CDC42BPB: variants seen among roughly 807,000 people sequenced by gnomAD.
CDC42BPB encodes CDC42 binding protein kinase beta.
In CDC42BPB, 37 loss-of-function variants were observed where a neutral mutation model predicts 214.9. That is an observed-to-expected ratio of 0.17 (90% CI 0.13 to 0.23). CDC42BPB has a LOEUF of 0.23. CDC42BPB is among the 10% of genes least tolerant of loss of function. The pLI is 1.00. For missense variants in CDC42BPB, 1,694 were observed against 2,227.0 expected, an observed-to-expected ratio of 0.76 and a Z score of 4.82; for synonymous variants, 931 against 884.0, an observed-to-expected ratio of 1.05 and a Z score of -0.94.
At chr14:102,947,647 C>A (rs1892244182) in intron 27 of CDC42BPB, 74 bp downstream of exon 27, 3 of 1,319,968 alleles carry the variant, frequency 2.3e-6, no homozygotes, top group South Asian at 1.2e-5. Context: ...ATGGCTGCCG[C>A]AGCACAATGA....
rs1010249471 is a variant in CDC42BPB, at chr14:102,943,682, A to G, written c.4408+209T>C. The G allele has an allele frequency of 1.6e-5, 9 of 561,608 alleles. No individual in the cohort carries two copies. The highest frequency in any genetic ancestry group is 2.8e-5 in the Non-Finnish European group (9 of 320,312). 34.8% of individuals were successfully genotyped at this position (561,608 alleles called of 1,614,324 possible). A position where few individuals can be genotyped will look rare whatever the true frequency, so the allele number is the denominator to read the frequency against. ...GAACCGGCCCCATGTGCTCAGGGAG[A>G]GAGGTTGCTGAGCCCGCCTACTGCT... On this transcript the variant is annotated intron_variant, in intron 30 of 36. Transcript: ENST00000361246. This position sits in a 1 kb window ranked among gnomAD's most constrained non-coding sequence, Gnocchi z 4.6.
In CDC42BPB at chr14:103,053,567, C is replaced by T. The variant is rs569866846; in HGVS notation, c.175+3432G>A. On this transcript the variant is annotated intron_variant, in intron 1 of 36. Transcript: ENST00000361246. ...ACGAGGTCTGGAGATCGAGACCATC[C>T]TGGCTAACACGGTGAAACCCCGTCT... is the stretch of plus-strand genomic sequence containing the variant. Among the ~76,000 whole-genome samples, 206 of 151,728 alleles carry T rather than the reference C, an allele frequency of 1.4e-3. 2 individuals carry two copies. Among genetic ancestry groups the T allele is most frequent in the African/African-American group, 4.6e-3 (190 of 41,418 alleles).
intron 30 of CDC42BPB, chr14:102,941,708 T>C (rs1397146454): frequency 6.9e-6 from 2 of 289,300 alleles, no homozygotes; most frequent in East Asian, 3.5e-4. Context: ...GAAAAGAACA[T>C]GGGCTCTGGA....
chr14:102,991,232 C>T (rs1894475501), intron 5 of CDC42BPB, among the ~76,000 whole-genome samples: 1 of 152,178 alleles, frequency 6.6e-6, no homozygotes, highest in African/African-American at 2.4e-5. Flanking sequence ...CTGAGAAGGA[C>T]ACAATATAGC....
At chr14:102,977,651 G>A (rs1045297623) in intron 9 of CDC42BPB, among the ~76,000 whole-genome samples, 5 of 152,188 alleles carry the variant, frequency 3.3e-5, no homozygotes, top group Admixed American at 6.5e-5. Flanking sequence ...AGCTGAGTGC[G>A]CATGGCAACT....
intron 36 of CDC42BPB, among the ~76,000 whole-genome samples, chr14:102,937,888 C>T (rs1891711455): frequency 6.6e-6 from 1 of 152,172 alleles, no homozygotes. Context: ...CCCTAGTCAG[C>T]GTTCCCAAAG....
chr14:103,041,527 C>A (rs1048145557), intron 1 of CDC42BPB: 1 of 1,386,688 alleles, frequency 7.2e-7, no homozygotes, highest in East Asian at 2.3e-5. Flanking sequence ...GCAGCTGGCT[C>A]GTGGCCACAT....
In CDC42BPB at chr14:103,023,131, G is replaced by A. The variant is rs191749903; in HGVS notation, c.176-10943C>T. Among the ~76,000 whole-genome samples, 245 of 149,748 alleles carry A rather than the reference G, an allele frequency of 1.6e-3. 2 individuals are homozygous for A. Among genetic ancestry groups the A allele is most frequent in the African/African-American group, 5.8e-3 (234 of 40,588 alleles). On this transcript the variant is annotated intron_variant, in intron 1 of 36. Coordinates refer to ENST00000361246, the MANE Select transcript of CDC42BPB (RefSeq NM_006035.4). ...CAAGTGATTCTCCCCTCAGTCTCCC[G>A]AGTAGCAGACTACAGGTGCGCATTA...
intron 1 of CDC42BPB, 90 bp from the exon 2 acceptor site, chr14:103,012,278 A>G: frequency 6.8e-7 from 1 of 1,477,978 alleles, no homozygotes; most frequent in East Asian, 2.4e-5. Context: ...ACTAAGTTAT[A>G]CTTTTAAAAA....
intron 1 of CDC42BPB, among the ~76,000 whole-genome samples, chr14:103,053,104 C>G (rs1356063315): frequency 6.6e-6 from 1 of 151,574 alleles, no homozygotes; most frequent in Non-Finnish European, 1.5e-5. Context: ...AATCCCAGCA[C>G]TTTGAGAGGC....
At chr14:103,031,456 A>G (rs1003982168) in intron 1 of CDC42BPB, among the ~76,000 whole-genome samples, 3 of 152,230 alleles carry the variant, frequency 2.0e-5, no homozygotes, top group Non-Finnish European at 4.4e-5. Flanking sequence ...GCAAAAGGAC[A>G]TCTAGCTTTG....
intron 1 of CDC42BPB, among the ~76,000 whole-genome samples, chr14:103,013,719 C>G (rs35864317): frequency 0.27 from 40,498 of 152,158 alleles, 5,897 homozygotes; most frequent in Non-Finnish European, 0.33. Context: ...CCAAGCATTG[C>G]CAGCACCCCC....
At chr14:102,947,652 C>T in intron 27 of CDC42BPB, 69 bp downstream of exon 27, 1 of 1,363,748 alleles carries the variant, frequency 7.3e-7, no homozygotes, top group Non-Finnish European at 1.0e-6. Context: ...TGCCGCAGCA[C>T]AATGACATGC....
intron 1 of CDC42BPB, among the ~76,000 whole-genome samples, chr14:103,038,454 T>C (rs1270709746): frequency 6.6e-6 from 1 of 151,938 alleles, no homozygotes; most frequent in African/African-American, 2.4e-5. Context: ...CAGTGGACAC[T>C]ACACAATAAC....
intron 5 of CDC42BPB, among the ~76,000 whole-genome samples, chr14:102,992,390 T>C (rs969493174): frequency 2.0e-5 from 3 of 152,308 alleles, no homozygotes; most frequent in Admixed American, 6.5e-5. Flanking sequence ...CCACCAGTTA[T>C]AAATGGCAGA....
rs773145635 is a variant in CDC42BPB, at chr14:102,974,139, C to A, written c.1518G>T (p.Arg506Ser). 6 of 1,613,296 alleles carry A rather than the reference C, an allele frequency of 3.7e-6. No homozygotes were observed. The African/African-American group carries it at 5.3e-5, about 14-fold the overall frequency. ...RLKNKIADSN[R>S]LERQLEDTVA... ...CTGTGTCCTCAAGCTGTCGCTCGAG[C>A]CTGTTTGAATCTGGACAAAAGAGGA... Residue 506 changes from arginine (R) to serine (S), a missense_variant, in exon 12 of 37, where the codon AGG becomes AGT. Around this residue, in one of 7 missense-constraint regions of CDC42BPB, gnomAD observed 462 missense variants for 513.5 expected, o/e 0.90. Transcript: ENST00000361246.
At chr14:102,957,562 T>G (rs1199890119) in intron 21 of CDC42BPB, among the ~76,000 whole-genome samples, 1 of 152,236 alleles carries the variant, frequency 6.6e-6, no homozygotes, top group Admixed American at 6.5e-5. Flanking sequence ...GGCGGGCACT[T>G]ACCGGTTAAA....
In CDC42BPB at chr14:103,040,095, C is replaced by T. The variant is rs543820550; in HGVS notation, c.175+16904G>A. Reference sequence around the variant, plus strand: ...AGTGGCCAGGCGCAGTGGCTCACGCCTGTAATCCCAACACTTTGGGAGGCC... The same window carrying T: ...AGTGGCCAGGCGCAGTGGCTCACGCTTGTAATCCCAACACTTTGGGAGGCC... On this transcript the variant is annotated intron_variant, in intron 1 of 36. Transcript: ENST00000361246. Among the ~76,000 whole-genome samples the T allele has an allele frequency of 3.3e-5, 5 of 152,326 alleles. No individual in the cohort carries two copies. In the South Asian group the frequency reaches 8.3e-4, roughly 25 times the overall value.
intron 5 of CDC42BPB, among the ~76,000 whole-genome samples, chr14:102,991,414 A>G (rs1465706761): frequency 6.6e-6 from 1 of 152,274 alleles, no homozygotes. Context: ...ATGAGGAACT[A>G]TTCTAGATTA....
Sources: allele counts gnomAD v4.1 joint callset (sites outside exome capture counted in the v4.1 genomes callset), GRCh38; gene constraint gnomAD v4.1.1; regional missense constraint gnomAD v4.1.1; non-coding constraint Gnocchi (gnomAD v3.1); transcripts MANE v1.5; gene names NCBI Gene and HGNC (gene_info 2026-07-23, HGNC 2026-07-21).